C1S: variants seen among roughly 807,000 people sequenced by gnomAD.
C1S encodes complement C1s.
C1S carries 31 observed loss-of-function variants against 54.0 expected under a neutral mutation model. The ratio of observed to expected loss-of-function variants is 0.57; its 90% CI spans 0.43 to 0.78. The LOEUF is 0.78. Among genes scored for constraint, C1S ranks in the 30% least tolerant of loss-of-function variants. The probability of loss-of-function intolerance (pLI) is 0.00; values close to 1 mark genes in which losing one functional copy is unlikely to be tolerated. For missense variants in C1S, 727 were observed against 851.8 expected (o/e 0.85, Z 1.82); for synonymous variants, 292 against 303.6 (o/e 0.96, Z 0.40).
chr12:7,067,035 C>T lies in C1S; in HGVS notation c.988-4C>T, dbSNP rs782183288. The T allele has an allele frequency of 1.2e-6, 2 of 1,605,380 alleles. No individual in the cohort carries two copies. Among genetic ancestry groups the T allele is most frequent in the Non-Finnish European group, 1.7e-6 (2 of 1,172,028 alleles). The stretch of plus-strand genomic sequence containing the variant: ...AATAAGTGGTGATGTTTATTATTCT[C>T]CAGGGACGTGTTGGTGCAACATCTT... On this transcript the variant is annotated splice_polypyrimidine_tract_variant and splice_region_variant and intron_variant, in intron 8 of 11. Transcript: ENST00000360817.
intron 8 of C1S, 150 bp downstream of exon 8, chr12:7,066,783 C>T: frequency 1.4e-6 from 1 of 717,748 alleles, no homozygotes; most frequent in East Asian, 2.7e-5. Flanking sequence ...GTAGTTCTCC[C>T]TTGTGAGTCA....
Position 7,062,375 on chromosome 12 carries a change from C to T in C1S, c.6-100C>T, listed in dbSNP as rs1404018906. ...TTCTCCCCCATGGCCGATTGACTGC[C>T]TCTCTTCTTCCCCCTTTCTTCTGCC... On this transcript the variant is annotated intron_variant, in intron 2 of 11. Transcript: ENST00000360817. The T allele has an allele frequency of 4.6e-6, 4 of 869,246 alleles. No homozygotes were observed. The East Asian group carries it at 7.4e-5, about 16-fold the overall frequency. 53.8% of individuals were successfully genotyped at this position (869,246 alleles called of 1,614,324 possible). A position where few individuals can be genotyped will look rare whatever the true frequency, so the allele number is the denominator to read the frequency against.
At position 7,062,302 on chromosome 12, in the gene C1S, GCCT is replaced by G. The variant is rs782432770; in HGVS notation, c.6-172_6-170del. ...AAAAAAAAAAGGGCTCTTGTCTGAA[GCCT>G]GGGTTTTGGTTTGACCTGGGCCTTT... On this transcript the variant is annotated intron_variant, in intron 2 of 11. Coordinates refer to ENST00000360817, the MANE Select transcript of C1S (RefSeq NM_001734.5). 290 of 628,814 alleles carry G rather than the reference GCCT, an allele frequency of 4.6e-4. No homozygotes were observed. In the African/African-American group the frequency reaches 5.0e-3, roughly 11 times the overall value. 39.0% of individuals were successfully genotyped at this position (628,814 alleles called of 1,614,324 possible). A position where few individuals can be genotyped will look rare whatever the true frequency, so the allele number is the denominator to read the frequency against.
At position 7,067,596 on chromosome 12, in the gene C1S, G is replaced by A. The variant is rs782033729; in HGVS notation, c.1067-47G>A. The A allele has an allele frequency of 3.1e-6, 5 of 1,610,248 alleles. No homozygotes were observed. In the East Asian group the frequency reaches 1.1e-4, roughly 36 times the overall value. On this transcript the variant is annotated intron_variant, in intron 9 of 11. Coordinates refer to ENST00000360817, the MANE Select transcript of C1S (RefSeq NM_001734.5). ...AACCTGGCCCCATGACTCTTCCTTG[G>A]AGGAAGTGGCTGTCCTGACCATCGC... is the stretch of plus-strand genomic sequence containing the variant.
At chr12:7,063,632 C>T (rs1034837385) in intron 4 of C1S, among the ~76,000 whole-genome samples, 3 of 152,176 alleles carry the variant, frequency 2.0e-5, no homozygotes, top group African/African-American at 4.8e-5. Context: ...GTACTGATTC[C>T]TCCCTGCAGA....
rs1203190355 is a variant in C1S, at chr12:7,066,579, T to C, written c.933T>C (p.Tyr311=). ...NSVWEPAKAK[Y]VFRDVVQITC... ...TTTGGGAGCCTGCGAAGGCAAAATA[T>C]GTCTTTAGAGATGTGGTGCAGATAA... The change falls in exon 8 of 12, where the codon TAT becomes TAC. Residue 311 remains tyrosine, a synonymous_variant. Transcript: ENST00000360817. 6.2e-7 allele frequency: 1 copy of C among 1,613,972 alleles called. No individual in the cohort carries two copies. The highest frequency in any genetic ancestry group is 1.3e-5 in the African/African-American group (1 of 74,918).
intron 1 of C1S, chr12:7,061,388 A>G (rs1473898918): frequency 9.6e-6 from 2 of 209,262 alleles, no homozygotes; most frequent in Admixed American, 1.0e-4. Context: ...AACAGCAGAC[A>G]GGGCTGCTTG....
At chr12:7,061,219 G>A (rs1555161242) in intron 1 of C1S, 1 of 152,396 alleles carries the variant, frequency 6.6e-6, no homozygotes, top group Admixed American at 6.5e-5. Context: ...CTTGTCATTT[G>A]GCTGTCCCTT....
rs889529299 is a variant in C1S at position 7,069,664 on chromosome 12, A to G, written c.1271-191A>G. Among the ~76,000 whole-genome samples the G allele has an allele frequency of 4.7e-5, 7 of 150,188 alleles. No homozygotes were observed. The South Asian group carries it at 1.5e-3, about 31-fold the overall frequency. ...GCTCTCCCATGAGCCAGCTTATGAC[A>G]TCGGCAAAGCGGGATGTTTAGGTAA... On this transcript the variant is annotated intron_variant, in intron 11 of 11. Coordinates refer to ENST00000360817, the MANE Select transcript of C1S (RefSeq NM_001734.5).
chr12:7,062,007 C>A (rs1183631703), intron 2 of C1S, 90 bp downstream of exon 2: 2 of 1,273,822 alleles, frequency 1.6e-6, no homozygotes, highest in Non-Finnish European at 1.1e-6. Context: ...TGATGGCTCA[C>A]ACCTGTAACC....
intron 2 of C1S, 135 bp from the exon 3 acceptor site, chr12:7,062,340 C>T (rs191796840): frequency 3.1e-4 from 227 of 725,044 alleles, no homozygotes; most frequent in African/African-American, 2.5e-3. Context: ...TTCTTTATTC[C>T]GACCTAAGAT....
Position 7,062,604 on chromosome 12 carries a change from T to C in C1S, c.135T>C (p.Pro45=). The C allele has an allele frequency of 1.2e-6, 2 of 1,614,198 alleles. No homozygotes were observed. The highest frequency in any genetic ancestry group is 1.7e-6 in the Non-Finnish European group (2 of 1,180,028). ...AGAAATCTTGGGACATAGAAGTTCC[T>C]GAAGGGTATGGGATTCACCTCTACT... The part of the protein sequence containing the change: ...EVEKSWDIEV[P]EGYGIHLYFT... Residue 45 remains proline (P), a synonymous_variant, in exon 3 of 12, where the codon CCT becomes CCC. Transcript: ENST00000360817.
At position 7,062,566 on chromosome 12, in the gene C1S, C is replaced by G; in HGVS notation, c.97C>G (p.Pro33Ala). ...ILSPNYPQAYPSEVEKSWDIE... is the reference protein window; with the variant it reads ...ILSPNYPQAYASEVEKSWDIE... The stretch of plus-strand genomic sequence containing the variant: ...GTCCCCTAACTATCCTCAGGCATAT[C>G]CCAGTGAGGTAGAGAAATCTTGGGA... Residue 33 changes from proline (P) to alanine (A), a missense_variant, in exon 3 of 12, where the codon CCC becomes GCC. Pro to Ala is a conservative substitution (Grantham distance 27, BLOSUM62 -1). Transcript: ENST00000360817. 2 of 1,613,592 alleles carry G rather than the reference C, an allele frequency of 1.2e-6. No individual in the cohort carries two copies. The highest frequency in any genetic ancestry group is 1.7e-6 in the Non-Finnish European group (2 of 1,179,526).
intron 4 of C1S, chr12:7,063,860 A>G (rs1043393125): frequency 4.3e-5 from 16 of 376,116 alleles, no homozygotes; most frequent in African/African-American, 3.4e-4. Context: ...CCCTGTCTCT[A>G]CTAAAAATAT....
In C1S at chr12:7,069,889, A is replaced by G. The variant is rs782041775; in HGVS notation, c.1305A>G (p.Lys435=). Residue 435 remains lysine (K), a synonymous_variant, in exon 12 of 12, where the codon AAA becomes AAG. Coordinates refer to ENST00000360817, the MANE Select transcript of C1S (RefSeq NM_001734.5). ...CGVPREPFEE[K]QRIIGGSDAD... ...TCCCCAGAGAACCCTTTGAAGAAAAACAGAGGATAATTGGAGGATCCGATG... is the reference window on the plus strand; with the variant it reads ...TCCCCAGAGAACCCTTTGAAGAAAAGCAGAGGATAATTGGAGGATCCGATG... The G allele has an allele frequency of 1.2e-6, 2 of 1,614,148 alleles. No homozygotes were observed. Among genetic ancestry groups the G allele is most frequent in the South Asian group, 1.1e-5 (1 of 91,080 alleles).
chr12:7,068,242 G>C (rs1429400801), intron 10 of C1S, among the ~76,000 whole-genome samples: 1 of 152,190 alleles, frequency 6.6e-6, no homozygotes, highest in African/African-American at 2.4e-5. Flanking sequence ...TTCTGCTTTG[G>C]AGATGTTCCC....
At chr12:7,063,979 A>T in intron 4 of C1S, 2 of 503,398 alleles carry the variant, frequency 4.0e-6, no homozygotes, top group South Asian at 3.1e-5. Context: ...GGTTGCAGTG[A>T]GCCAAGATCC....
chr12:7,065,998 T>A (rs1555162164), intron 7 of C1S, 28 bp downstream of exon 7: 1 of 1,606,426 alleles, frequency 6.2e-7, no homozygotes, highest in Admixed American at 1.7e-5. Flanking sequence ...GCCTCTTTGG[T>A]TGGTGATACC....
At chr12:7,069,800 C>T (rs1565624287) in intron 11 of C1S, 55 bp from the exon 12 acceptor site, 2 of 1,422,632 alleles carry the variant, frequency 1.4e-6, no homozygotes, top group Non-Finnish European at 9.9e-7. Flanking sequence ...GGAGGATTTG[C>T]AGGAAGCCAG....
Sources: allele counts gnomAD v4.1 joint callset (sites outside exome capture counted in the v4.1 genomes callset), GRCh38; gene constraint gnomAD v4.1.1; transcripts MANE v1.5; gene names NCBI Gene and HGNC (gene_info 2026-07-23, HGNC 2026-07-21).